CNTNAP4: variants seen among roughly 807,000 people sequenced by gnomAD.
The protein encoded by CNTNAP4 is contactin-associated protein-like 4.
Under a neutral mutation model 148.4 loss-of-function variants are expected in CNTNAP4, and 98 were observed. The ratio of observed to expected loss-of-function variants is 0.66; its 90% CI spans 0.56 to 0.78. The LOEUF (loss-of-function observed/expected upper bound fraction) is 0.78. Ranked by LOEUF, CNTNAP4 falls within the 30% of genes least tolerant of loss-of-function variation. The pLI is 0.00. For missense variants in CNTNAP4, 1,935 were observed against 1,565.6 expected (o/e 1.24, Z -3.98); for synonymous variants, 730 against 565.1 (o/e 1.29, Z -4.14).
At chr16:76,315,410 G>A (rs1450204131) in intron 1 of CNTNAP4, among the ~76,000 whole-genome samples, 1 of 152,138 alleles carries the variant, frequency 6.6e-6, no homozygotes, top group African/African-American at 2.4e-5. Flanking sequence ...TCAAATATAC[G>A]TCTAATGACA....
chr16:76,339,854 C>G (rs539640824), intron 2 of CNTNAP4, among the ~76,000 whole-genome samples: 24 of 152,280 alleles, frequency 1.6e-4, no homozygotes, highest in Non-Finnish European at 2.8e-4. Context: ...TGATTCTTAG[C>G]TATTAATTTA....
chr16:76,367,903 C>G (rs1257940611), intron 3 of CNTNAP4, among the ~76,000 whole-genome samples: 2 of 152,154 alleles, frequency 1.3e-5, no homozygotes, highest in African/African-American at 2.4e-5. Context: ...TCTTATCAGT[C>G]CTAGGCTATT....
At chr16:76,521,098 TTC>T (rs966386626) in intron 15 of CNTNAP4, 40 bp from the exon 16 acceptor site, 93 of 1,514,370 alleles carry the variant, frequency 6.1e-5, no homozygotes, top group Non-Finnish European at 8.2e-5. Context: ...TGAATTTGTT[TTC>T]TTTCTGAATT....
intron 3 of CNTNAP4, among the ~76,000 whole-genome samples, chr16:76,356,282 A>G (rs1374255554): frequency 6.6e-6 from 1 of 152,170 alleles, no homozygotes; most frequent in African/African-American, 2.4e-5. Flanking sequence ...GGGGATTTAT[A>G]TATATAATAT....
chr16:76,309,967 G>C, intron 1 of CNTNAP4: 1 of 689,186 alleles, frequency 1.5e-6, no homozygotes, highest in Non-Finnish European at 2.6e-6. Flanking sequence ...CAGCAGCATG[G>C]AAACGGACTA....
chr16:76,397,320 A>G (rs1254796810), intron 3 of CNTNAP4, among the ~76,000 whole-genome samples: 7 of 152,126 alleles, frequency 4.6e-5, no homozygotes, highest in Admixed American at 2.6e-4. Flanking sequence ...CAGTCAGAAG[A>G]ATGCTAGTGA....
chr16:76,369,668 T>A (rs1339915094), intron 3 of CNTNAP4, among the ~76,000 whole-genome samples: 2 of 152,118 alleles, frequency 1.3e-5, no homozygotes, highest in Non-Finnish European at 2.9e-5. Context: ...ATAGTGAAAC[T>A]CCATCTCTAC....
intron 23 of CNTNAP4, 133 bp downstream of exon 23, chr16:76,554,040 G>C: frequency 1.8e-6 from 1 of 550,546 alleles, no homozygotes. Context: ...AGGTCATTGG[G>C]GTGATTTACT....
chr16:76,533,034 C>T (rs1472519386), intron 17 of CNTNAP4, among the ~76,000 whole-genome samples: 2 of 152,078 alleles, frequency 1.3e-5, no homozygotes, highest in Non-Finnish European at 2.9e-5. Flanking sequence ...GACAGCTGCA[C>T]CCCTAAGTTT....
At chr16:76,493,116 G>A (rs1323185147) in intron 13 of CNTNAP4, among the ~76,000 whole-genome samples, 1 of 152,122 alleles carries the variant, frequency 6.6e-6, no homozygotes, top group African/African-American at 2.4e-5. Context: ...GAATAGATTT[G>A]AAGTGGAGAG....
intron 10 of CNTNAP4, among the ~76,000 whole-genome samples, chr16:76,470,251 C>G (rs2081316241): frequency 6.6e-6 from 1 of 151,894 alleles, no homozygotes; most frequent in Non-Finnish European, 1.5e-5. Flanking sequence ...CCATGCAGCC[C>G]CTCTGGGTGC....
intron 1 of CNTNAP4, among the ~76,000 whole-genome samples, chr16:76,279,870 G>A (rs1037201968): frequency 2.0e-5 from 3 of 151,790 alleles, no homozygotes; most frequent in African/African-American, 7.3e-5. Context: ...TTTTCTTTTT[G>A]GAAGAAGTAA....
intron 13 of CNTNAP4, among the ~76,000 whole-genome samples, chr16:76,493,350 A>G (rs770602475): frequency 6.6e-6 from 1 of 152,168 alleles, no homozygotes; most frequent in Non-Finnish European, 1.5e-5. Flanking sequence ...AGGGTGATCA[A>G]TGGGAATGCT....
At chr16:76,458,326 A>G (rs1486246793) in intron 8 of CNTNAP4, among the ~76,000 whole-genome samples, 1 of 152,128 alleles carries the variant, frequency 6.6e-6, no homozygotes, top group Non-Finnish European at 1.5e-5. Context: ...TTTTCATGAA[A>G]GACAATTTTT....
intron 21 of CNTNAP4, among the ~76,000 whole-genome samples, chr16:76,544,272 G>T (rs7194837): frequency 6.6e-6 from 1 of 150,584 alleles, no homozygotes; most frequent in Non-Finnish European, 1.5e-5. Flanking sequence ...GTATATAACT[G>T]TCCCATGCTT....
rs139423135 is a variant in CNTNAP4, at chr16:76,535,248, G to A, written c.2756-297G>A. Among the ~76,000 whole-genome samples the A allele has an allele frequency of 6.6e-5, 10 of 152,070 alleles. No homozygotes were observed. In the East Asian group the frequency reaches 9.7e-4, roughly 15 times the overall value. ...AAAGTAGTTTCTACATTAAAATAAC[G>A]ATACATGTCACTGTTATTTTCAATG... is the stretch of plus-strand genomic sequence containing the variant. On this transcript the variant is annotated intron_variant, in intron 17 of 23. Transcript: ENST00000611870.
At chr16:76,530,896 G>A (rs74025034) in intron 17 of CNTNAP4, among the ~76,000 whole-genome samples, 3 of 152,056 alleles carry the variant, frequency 2.0e-5, no homozygotes, top group Non-Finnish European at 4.4e-5. Flanking sequence ...CAGGGTTGAC[G>A]GTCCAATGCT....
chr16:76,353,728 T>C (rs1022094426), intron 2 of CNTNAP4, among the ~76,000 whole-genome samples: 1 of 152,116 alleles, frequency 6.6e-6, no homozygotes, highest in African/African-American at 2.4e-5. Flanking sequence ...TGCATCCCCA[T>C]GTGTGGTCCT....
At chr16:76,416,990 C>A (rs1204591971) in intron 3 of CNTNAP4, among the ~76,000 whole-genome samples, 2 of 151,360 alleles carry the variant, frequency 1.3e-5, no homozygotes, top group African/African-American at 4.8e-5. Flanking sequence ...CTTCCTTGTT[C>A]TTCAGGTTTC....
Sources: gnomAD v4.1 joint callset for allele counts (sites outside exome capture counted in the v4.1 genomes callset) on GRCh38, gnomAD v4.1.1 for gene constraint, MANE v1.5 for transcripts, NCBI Gene and HGNC (gene_info 2026-07-23, HGNC 2026-07-21) for gene names.